HS3ST3A1: variants seen among roughly 807,000 people sequenced by gnomAD.
HS3ST3A1 encodes heparan sulfate-glucosamine 3-sulfotransferase 3A1, also known as heparan sulfate glucosamine 3-O-sulfotransferase 3A1.
HS3ST3A1 carries 19 observed loss-of-function variants against 25.7 expected under a neutral mutation model. The observed-to-expected ratio is 0.74, with a 90% CI of 0.52 to 1.08. HS3ST3A1 has a LOEUF of 1.08. Ranked by LOEUF, HS3ST3A1 falls within the 50% of genes least tolerant of loss-of-function variation. The probability of loss-of-function intolerance (pLI) is 0.00; values close to 1 mark genes in which losing one functional copy is unlikely to be tolerated. For synonymous variants in HS3ST3A1, 226 were observed against 278.6 expected, an observed-to-expected ratio of 0.81 and a Z score of 1.88; for missense variants, 459 against 594.3, an observed-to-expected ratio of 0.77 and a Z score of 2.37.
intron 1 of HS3ST3A1, among the ~76,000 whole-genome samples, chr17:13,546,787 G>C (rs1907100717): frequency 6.6e-6 from 1 of 152,186 alleles, no homozygotes; most frequent in Non-Finnish European, 1.5e-5. Context: ...TCGTAGTACA[G>C]TGCCAAGCAG....
chr17:13,520,253 TC>T (rs1422358155), intron 1 of HS3ST3A1, among the ~76,000 whole-genome samples: 1 of 152,224 alleles, frequency 6.6e-6, no homozygotes, highest in East Asian at 1.9e-4. Context: ...AATTTTCTCT[TC>T]CCCAGTATGC....
At chr17:13,581,161 A>C (rs1170003045) in intron 1 of HS3ST3A1, among the ~76,000 whole-genome samples, 1 of 152,208 alleles carries the variant, frequency 6.6e-6, no homozygotes, top group Non-Finnish European at 1.5e-5. Context: ...ATTACAGCAG[A>C]ACTGACTTAA....
chr17:13,514,277 C>A (rs1181039602), intron 1 of HS3ST3A1, among the ~76,000 whole-genome samples: 1 of 151,754 alleles, frequency 6.6e-6, no homozygotes, highest in Non-Finnish European at 1.5e-5. Flanking sequence ...TTAAATCCAT[C>A]AATGTTTTTC....
Position 13,600,589 on chromosome 17 carries a change from C to G in HS3ST3A1, c.541G>C (p.Val181Leu). ...TCGAAGAAGTGGGGCTCGGCGCCCA[C>G]GGCGCGCACGTCGGGGTGCACGCGC... Reference protein sequence around the residue: ...FLRVHPDVRAVGAEPHFFDRS... With the variant: ...FLRVHPDVRALGAEPHFFDRS... Residue 181 changes from valine (V) to leucine (L), a missense_variant, in exon 1 of 2, where the codon GTG becomes CTG. Val to Leu is a conservative substitution (Grantham distance 32, BLOSUM62 1). Transcript: ENST00000284110. 4 of 1,600,944 alleles carry G rather than the reference C, an allele frequency of 2.5e-6. No homozygotes were observed. The highest frequency in any genetic ancestry group is 2.2e-5 in the South Asian group (2 of 90,490).
chr17:13,508,907 C>G (rs1905771414), intron 1 of HS3ST3A1, among the ~76,000 whole-genome samples: 1 of 151,916 alleles, frequency 6.6e-6, no homozygotes, highest in Non-Finnish European at 1.5e-5. Context: ...TTCCGACATT[C>G]TTTGTGTACC....
At chr17:13,595,240 G>C (rs1908543857) in intron 1 of HS3ST3A1, among the ~76,000 whole-genome samples, 1 of 152,164 alleles carries the variant, frequency 6.6e-6, no homozygotes, top group East Asian at 1.9e-4. Context: ...GTTACATCAC[G>C]AAGGCAAGAA....
rs1303831396 is a variant in HS3ST3A1, at chr17:13,494,766, G to A, written c.*1431C>T. The stretch of plus-strand genomic sequence containing the variant: ...TGTTAATACCCACTCAGAGAGGAAA[G>A]GAATACTGTTAATAAACTATTGATT... On this transcript the variant is annotated 3_prime_UTR_variant, in exon 2 of 2. Coordinates refer to ENST00000284110, the MANE Select transcript of HS3ST3A1 (RefSeq NM_006042.3). Among the ~76,000 whole-genome samples, 1 of 152,116 alleles carries A rather than the reference G, an allele frequency of 6.6e-6. No individual in the cohort carries two copies. The highest frequency in any genetic ancestry group is 1.5e-5 in the Non-Finnish European group (1 of 68,026).
chr17:13,524,063 T>G (rs1363151093), intron 1 of HS3ST3A1, among the ~76,000 whole-genome samples: 1 of 152,180 alleles, frequency 6.6e-6, no homozygotes, highest in Non-Finnish European at 1.5e-5. Context: ...GATTTCCTCT[T>G]TACAGGTTTT....
intron 1 of HS3ST3A1, among the ~76,000 whole-genome samples, chr17:13,550,515 G>A (rs1877433631): frequency 6.6e-6 from 1 of 152,134 alleles, no homozygotes; most frequent in South Asian, 2.1e-4. Flanking sequence ...GCTGTGTGAG[G>A]AGCCTGGGTC....
intron 1 of HS3ST3A1, among the ~76,000 whole-genome samples, chr17:13,585,186 CTTTTTTTTTTTTTTTT>C (rs71144977): frequency 1.2e-4 from 4 of 33,234 alleles, no homozygotes; most frequent in African/African-American, 3.5e-4. Flanking sequence ...TTTTTCTGTG[CTTTTTTTTTTTTTTTT>C]TTTTTTTTTT....
At chr17:13,534,298 C>T (rs985437026) in intron 1 of HS3ST3A1, among the ~76,000 whole-genome samples, 1 of 152,222 alleles carries the variant, frequency 6.6e-6, no homozygotes, top group Non-Finnish European at 1.5e-5. Context: ...TAAACACACT[C>T]CTTGAAGATA....
intron 1 of HS3ST3A1, among the ~76,000 whole-genome samples, chr17:13,562,402 C>T (rs960721019): frequency 6.6e-6 from 1 of 152,118 alleles, no homozygotes. Flanking sequence ...TGTGGCTGCT[C>T]GGGCACACAC....
intron 1 of HS3ST3A1, among the ~76,000 whole-genome samples, chr17:13,531,705 T>G (rs930238683): frequency 2.0e-5 from 3 of 152,212 alleles, no homozygotes; most frequent in African/African-American, 7.2e-5. Flanking sequence ...TTCAGCTTCA[T>G]TACTTCATGA....
At chr17:13,585,140 CA>C (rs1463348751) in intron 1 of HS3ST3A1, among the ~76,000 whole-genome samples, 3 of 142,818 alleles carry the variant, frequency 2.1e-5, no homozygotes, top group Non-Finnish European at 4.5e-5. Context: ...ATACCATGAA[CA>C]ACCATTTAGC....
At chr17:13,536,827 G>C (rs549143775) in intron 1 of HS3ST3A1, among the ~76,000 whole-genome samples, 1 of 152,292 alleles carries the variant, frequency 6.6e-6, no homozygotes, top group Non-Finnish European at 1.5e-5. Context: ...TGACACTGCA[G>C]TCTTAAAATT....
Position 13,532,906 on chromosome 17 carries a change from T to TAC in HS3ST3A1, c.600-36090_600-36089dup, listed in dbSNP as rs372721576. Among the ~76,000 whole-genome samples the TAC allele has an allele frequency of 4.6e-3, 681 of 146,640 alleles. 9 individuals are homozygous for TAC. The highest frequency in any genetic ancestry group is 0.015 in the South Asian group (67 of 4,538). On this transcript the variant is annotated intron_variant, in intron 1 of 1. Coordinates refer to ENST00000284110, the MANE Select transcript of HS3ST3A1 (RefSeq NM_006042.3). ...GTGTGTGTGTGTGTATATGTTTATATACACACACACACACACACACATGCT... is the reference window on the plus strand; with the variant it reads ...GTGTGTGTGTGTGTATATGTTTATATACACACACACACACACACACACATGCT...
chr17:13,580,162 T>A (rs12232504), intron 1 of HS3ST3A1, among the ~76,000 whole-genome samples: 2,583 of 151,754 alleles, frequency 0.017, 129 homozygotes, highest in East Asian at 0.17. Flanking sequence ...CTGATAAAAA[T>A]TCACAGATTA....
chr17:13,565,075 C>T (rs1173211055), intron 1 of HS3ST3A1, among the ~76,000 whole-genome samples: 4 of 152,024 alleles, frequency 2.6e-5, no homozygotes, highest in Admixed American at 6.6e-5. Context: ...TGTACTATGT[C>T]TGTTTGTTTT....
At chr17:13,502,134 G>A (rs1905497189) in intron 1 of HS3ST3A1, among the ~76,000 whole-genome samples, 1 of 152,144 alleles carries the variant, frequency 6.6e-6, no homozygotes, top group African/African-American at 2.4e-5. Flanking sequence ...CTGGGTAAGG[G>A]TCTCGGGGCC....
Sources: gnomAD v4.1 joint callset for allele counts (sites outside exome capture counted in the v4.1 genomes callset) on GRCh38, gnomAD v4.1.1 for gene constraint, MANE v1.5 for transcripts, NCBI Gene and HGNC (gene_info 2026-07-23, HGNC 2026-07-21) for gene names.